Variants in KANSL1 observed in about 807,000 individuals in gnomAD.
The protein encoded by KANSL1 is KAT8 regulatory NSL complex subunit 1, also known as MLL1/MLL complex subunit KANSL1.
KANSL1 carries 22 observed loss-of-function variants against 103.6 expected under a neutral mutation model. The ratio of observed to expected loss-of-function variants is 0.21; its 90% CI spans 0.15 to 0.30. KANSL1 has a LOEUF of 0.30. Ranked by LOEUF, KANSL1 falls within the 10% of genes least tolerant of loss-of-function variation. The pLI is 1.00. For missense variants in KANSL1, 1,337 were observed against 1,399.8 expected (o/e 0.96, Z 0.72); for synonymous variants, 600 against 527.6 (o/e 1.14, Z -1.88).
At chr17:46,063,554 A>G (rs530521231) in intron 6 of KANSL1, among the ~76,000 whole-genome samples, 2 of 152,338 alleles carry the variant, frequency 1.3e-5, no homozygotes, top group African/African-American at 4.8e-5. Context: ...AGTACATGGT[A>G]TATTTCCCAA....
chr17:46,036,177 G>A (rs897960151), intron 10 of KANSL1, among the ~76,000 whole-genome samples: 20 of 152,274 alleles, frequency 1.3e-4, no homozygotes, highest in Non-Finnish European at 2.6e-4. Context: ...AGTAGCTGGA[G>A]CTACAGGCAT....
In KANSL1 at chr17:46,052,964, C is replaced by CAAAAAAAAA. The variant is rs34473927; in HGVS notation, c.1849-2269_1849-2261dup. Among the ~76,000 whole-genome samples the CAAAAAAAAA allele has an allele frequency of 5.8e-4, 19 of 33,000 alleles. 3 individuals are homozygous for CAAAAAAAAA. Among genetic ancestry groups the CAAAAAAAAA allele is most frequent in the Non-Finnish European group, 8.2e-4 (14 of 17,130 alleles). The allele number at this position is 33,000 out of a possible 152,430, so 21.6% of individuals were successfully genotyped here. A position where few individuals can be genotyped will look rare whatever the true frequency, so the allele number is the denominator to read the frequency against. ...GGGAAAAAGAGTAAGATCCTGTCTC[C>CAAAAAAAAA]AAAAAAAAAAAAAAAAAAAAAAAAA... On this transcript the variant is annotated intron_variant, in intron 6 of 14. Transcript: ENST00000432791.
chr17:46,043,987 C>T (rs1410888222), intron 7 of KANSL1: 1 of 113,728 alleles, frequency 8.8e-6, no homozygotes, highest in Non-Finnish European at 2.2e-5. Flanking sequence ...ATCCCCCAGT[C>T]AGTAAAAAAA....
At chr17:46,192,178 C>G (rs535727758) in intron 1 of KANSL1, among the ~76,000 whole-genome samples, 10 of 152,110 alleles carry the variant, frequency 6.6e-5, no homozygotes, top group Non-Finnish European at 8.8e-5. Context: ...ACGGGAGTAG[C>G]GCTGTTTATC....
At chr17:46,143,704 T>C (rs2044543026) in intron 2 of KANSL1, among the ~76,000 whole-genome samples, 2 of 146,068 alleles carry the variant, frequency 1.4e-5, no homozygotes, top group East Asian at 4.1e-4. Flanking sequence ...CTCAGGAGGC[T>C]GAGGCAGGAG....
chr17:46,077,812 C>T lies in KANSL1; in HGVS notation c.1533+4629G>A, dbSNP rs150361200. Among the ~76,000 whole-genome samples the T allele has an allele frequency of 3.3e-5, 5 of 152,292 alleles. No individual in the cohort carries two copies. The East Asian group carries it at 9.7e-4, about 29-fold the overall frequency. ...ACCTCAGGTGATCCACCCACCTCGG[C>T]CTCCCAAAGTACTGGGATTACAGGC... On this transcript the variant is annotated intron_variant, in intron 4 of 14. Transcript: ENST00000432791.
chr17:46,085,074 G>A (rs913561159), intron 3 of KANSL1, among the ~76,000 whole-genome samples: 1 of 152,008 alleles, frequency 6.6e-6, no homozygotes, highest in South Asian at 2.1e-4. Context: ...CTTTTTTAAA[G>A]ATCAATTTCC....
intron 2 of KANSL1, among the ~76,000 whole-genome samples, chr17:46,136,827 T>A (rs1024173521): frequency 1.3e-5 from 2 of 152,208 alleles, no homozygotes; most frequent in African/African-American, 4.8e-5. Flanking sequence ...CAAGAGCAAT[T>A]TAACTGCCAT....
upstream of KANSL1, among the ~76,000 whole-genome samples, chr17:46,197,523 G>A (rs1235550309): frequency 6.6e-6 from 1 of 152,178 alleles, no homozygotes; most frequent in Non-Finnish European, 1.5e-5. Flanking sequence ...CACGCCTGTA[G>A]TTCCAGCTAC....
chr17:46,068,812 T>C (rs2078473991), intron 4 of KANSL1, among the ~76,000 whole-genome samples: 1 of 152,186 alleles, frequency 6.6e-6, no homozygotes, highest in Non-Finnish European at 1.5e-5. Context: ...ATAGGAACAG[T>C]ATGAATGCCA....
chr17:46,200,064 C>CACACAT (rs1239275083), intron 1 of KANSL1, among the ~76,000 whole-genome samples: 6 of 151,802 alleles, frequency 4.0e-5, no homozygotes, highest in African/African-American at 1.5e-4. Context: ...CACACACACA[C>CACACAT]ACCCTGATTA....
At chr17:46,087,552 A>G (rs2316957) in intron 3 of KANSL1, among the ~76,000 whole-genome samples, 2 of 152,368 alleles carry the variant, frequency 1.3e-5, no homozygotes, top group Non-Finnish European at 2.9e-5. Flanking sequence ...ATGTTCATCT[A>G]GCCTTGAACA....
intron 2 of KANSL1, among the ~76,000 whole-genome samples, chr17:46,108,851 G>C (rs1053214339): frequency 1.3e-5 from 2 of 152,180 alleles, no homozygotes; most frequent in Non-Finnish European, 2.9e-5. Context: ...TGCTGAAAGC[G>C]AGTCAAGCAA....
At chr17:46,175,844 T>C (rs926421030) in intron 1 of KANSL1, among the ~76,000 whole-genome samples, 6 of 152,252 alleles carry the variant, frequency 3.9e-5, no homozygotes, top group Non-Finnish European at 7.3e-5. Context: ...ATTACTAATA[T>C]ATTATTAAAC....
chr17:46,102,965 G>C (rs1486972823), intron 2 of KANSL1, among the ~76,000 whole-genome samples: 1 of 152,196 alleles, frequency 6.6e-6, no homozygotes, highest in Non-Finnish European at 1.5e-5. Context: ...GCATAAAATA[G>C]GACTTGGATG....
intron 4 of KANSL1, among the ~76,000 whole-genome samples, chr17:46,072,118 G>A (rs1352946379): frequency 3.3e-5 from 5 of 151,596 alleles, no homozygotes; most frequent in East Asian, 1.9e-4. Context: ...TCAAGTAAGC[G>A]TGACAAAGAG....
chr17:46,081,891 G>A (rs2079000005), intron 4 of KANSL1, among the ~76,000 whole-genome samples: 1 of 152,140 alleles, frequency 6.6e-6, no homozygotes, highest in Admixed American at 6.5e-5. Context: ...AAAAGAACAA[G>A]TGCTCTTGGA....
rs1176111556 is a variant in KANSL1 at position 46,193,282 on chromosome 17, G to C, written c.-549C>G. The C allele has an allele frequency of 6.6e-6, 1 of 152,352 alleles. No individual in the cohort carries two copies. Among genetic ancestry groups the C allele is most frequent in the Non-Finnish European group, 1.5e-5 (1 of 68,438 alleles). 9.4% of individuals were successfully genotyped at this position (152,352 alleles called of 1,614,324 possible). A position where few individuals can be genotyped will look rare whatever the true frequency, so the allele number is the denominator to read the frequency against. ...GGAGCGCGCTTCAGCCGCCCCCCGC[G>C]CCGCCGCGGCGAGACGAGTCGGCTT... On this transcript the variant is annotated 5_prime_UTR_variant, in exon 1 of 15. Coordinates refer to ENST00000432791, the MANE Select transcript of KANSL1 (RefSeq NM_015443.4).
Position 46,032,244 on chromosome 17 carries a change from A to G in KANSL1, c.2893T>C (p.Ser965Pro), listed in dbSNP as rs1291308469. The G allele has an allele frequency of 1.1e-5, 17 of 1,566,048 alleles. No homozygotes were observed. The highest frequency in any genetic ancestry group is 1.3e-5 in the Non-Finnish European group (15 of 1,151,976). Residue 965 changes from serine to proline, a missense_variant, in exon 14 of 15, where the codon TCC (serine) becomes CCC (proline). By Grantham distance (74) the Ser-to-Pro change is moderately conservative. Coordinates refer to ENST00000432791, the MANE Select transcript of KANSL1 (RefSeq NM_015443.4). ...TTPQLGSANPSTPQPASPDVS... is the reference protein window; with the variant it reads ...TTPQLGSANPPTPQPASPDVS... ...TCAGGGGAGGCAGGCTGGGGGGTGGAGGGGTTGGCACTGCCCAGCTGGGGG... is the reference window on the plus strand; with the variant it reads ...TCAGGGGAGGCAGGCTGGGGGGTGGGGGGGTTGGCACTGCCCAGCTGGGGG...
Sources: allele counts gnomAD v4.1 joint callset (sites outside exome capture counted in the v4.1 genomes callset), GRCh38; gene constraint gnomAD v4.1.1; transcripts MANE v1.5; gene names NCBI Gene and HGNC (gene_info 2026-07-23, HGNC 2026-07-21).